SCRN1: variants seen among roughly 807,000 people sequenced by gnomAD.
SCRN1 encodes secernin 1.
A neutral mutation model predicts 43.3 loss-of-function variants in SCRN1; 19 were observed. The observed-to-expected ratio is 0.44, with a 90% confidence interval of 0.31 to 0.64. The LOEUF is 0.64. SCRN1 is among the 30% of genes least tolerant of loss of function. The probability of loss-of-function intolerance (pLI) is 0.09; values close to 1 mark genes in which losing one functional copy is unlikely to be tolerated. For missense variants in SCRN1, 447 were observed against 524.1 expected (o/e 0.85, Z 1.44); for synonymous variants, 183 against 188.9 (o/e 0.97, Z 0.26).
At chr7:29,971,417 G>A (rs150123308) in intron 1 of SCRN1, among the ~76,000 whole-genome samples, 5,274 of 152,222 alleles carry the variant, frequency 0.035, 178 homozygotes, top group Non-Finnish European at 0.047. Flanking sequence ...CAGATCACTT[G>A]AGCCTGGAAG....
rs77616538 is a variant in SCRN1 at position 29,966,121 on chromosome 7, C to T, written c.159+2788G>A. Among the ~76,000 whole-genome samples, 8 of 127,094 alleles carry T rather than the reference C, an allele frequency of 6.3e-5. No individual in the cohort carries two copies. The East Asian group carries it at 1.3e-3, about 21-fold the overall frequency. 83.4% of individuals were successfully genotyped at this position (127,094 alleles called of 152,430 possible). A position where few individuals can be genotyped will look rare whatever the true frequency, so the allele number is the denominator to read the frequency against. The stretch of plus-strand genomic sequence containing the variant: ...GAGAGAGAGAGGAACCAGAGACACA[C>T]AGAGAGAGAGAGAGACAGAGAGAGA... On this transcript the variant is annotated intron_variant, in intron 2 of 7. Transcript: ENST00000242059.
chr7:29,961,044 G>A (rs904308270), intron 2 of SCRN1, among the ~76,000 whole-genome samples: 2 of 150,000 alleles, frequency 1.3e-5, no homozygotes, highest in Non-Finnish European at 3.0e-5. Context: ...ACTCTGTGCT[G>A]GAGGATCTTA....
intron 6 of SCRN1, among the ~76,000 whole-genome samples, chr7:29,926,909 C>T (rs766684649): frequency 6.6e-6 from 1 of 151,912 alleles, no homozygotes; most frequent in Non-Finnish European, 1.5e-5. Flanking sequence ...TGAGAGGACT[C>T]TTTTAGCAAT....
intron 1 of SCRN1, among the ~76,000 whole-genome samples, chr7:29,982,682 CAAAAAA>C (rs10538004): frequency 1.5e-5 from 1 of 64,744 alleles, no homozygotes. Flanking sequence ...GACCCTGTCT[CAAAAAA>C]AAAAAAAAAA....
rs1246491331 is a variant in SCRN1 at position 29,923,481 on chromosome 7, G to C, written c.*476C>G. Reference sequence around the variant, plus strand: ...ATGCACTCACGGGAGGCCACGGAGGGTCCCCTTGACAACACACACAAGAGC... The same window carrying C: ...ATGCACTCACGGGAGGCCACGGAGGCTCCCCTTGACAACACACACAAGAGC... On this transcript the variant is annotated 3_prime_UTR_variant, in exon 8 of 8. Coordinates refer to ENST00000242059, the MANE Select transcript of SCRN1 (RefSeq NM_014766.5). 6.4e-6 allele frequency: 1 copy of C among 157,262 alleles called. No individual in the cohort carries two copies. Among genetic ancestry groups the C allele is most frequent in the East Asian group, 1.9e-4 (1 of 5,330 alleles). 9.7% of individuals were successfully genotyped at this position (157,262 alleles called of 1,614,324 possible). A position where few individuals can be genotyped will look rare whatever the true frequency, so the allele number is the denominator to read the frequency against.
chr7:29,942,847 G>C (rs2128090453), intron 4 of SCRN1, among the ~76,000 whole-genome samples: 1 of 152,304 alleles, frequency 6.6e-6, no homozygotes, highest in East Asian at 1.9e-4. Context: ...GGAAGCCACA[G>C]TCTAGATTTC....
intron 1 of SCRN1, among the ~76,000 whole-genome samples, chr7:29,972,399 C>G (rs953103148): frequency 1.3e-5 from 2 of 152,138 alleles, no homozygotes; most frequent in African/African-American, 2.4e-5. Flanking sequence ...TGAGATTTAT[C>G]TATAGAATAT....
intron 2 of SCRN1, among the ~76,000 whole-genome samples, chr7:29,964,022 T>C (rs1318407609): frequency 2.0e-5 from 3 of 152,224 alleles, no homozygotes; most frequent in Non-Finnish European, 4.4e-5. Context: ...ACTTGAAGGA[T>C]ATGCATGAAA....
chr7:29,958,120 T>C (rs1004481112), intron 2 of SCRN1, among the ~76,000 whole-genome samples: 2 of 152,198 alleles, frequency 1.3e-5, no homozygotes, highest in African/African-American at 4.8e-5. Flanking sequence ...GCCAGATCCC[T>C]TCACAGGCCC....
chr7:29,961,145 T>C (rs1050115115), intron 2 of SCRN1, among the ~76,000 whole-genome samples: 1 of 139,480 alleles, frequency 7.2e-6, no homozygotes, highest in Non-Finnish European at 1.5e-5. Context: ...CATGGGACAA[T>C]AGTGGAGGGA....
intron 6 of SCRN1, among the ~76,000 whole-genome samples, chr7:29,933,362 T>G (rs1787223493): frequency 6.6e-6 from 1 of 152,210 alleles, no homozygotes; most frequent in Non-Finnish European, 1.5e-5. Context: ...AATGTGGAGT[T>G]GGGAAGAGAG....
intron 1 of SCRN1, among the ~76,000 whole-genome samples, chr7:29,986,868 G>A (rs1222642660): frequency 6.6e-6 from 1 of 151,872 alleles, no homozygotes; most frequent in Non-Finnish European, 1.5e-5. Context: ...GGGACTACAG[G>A]CGCGTGCCAC....
Position 29,940,739 on chromosome 7 carries a change from G to C in SCRN1, c.682C>G (p.Pro228Ala). Reference sequence around the variant, plus strand: ...CCGCAGTCTAGATGATCCTCAACTGGAGAAAAGACTTCGGAAAAATTGAAC... The same window carrying C: ...CCGCAGTCTAGATGATCCTCAACTGCAGAAAAGACTTCGGAAAAATTGAAC... ...GEFNFSEVFSPVEDHLDCGAG... is the reference protein window; with the variant it reads ...GEFNFSEVFSAVEDHLDCGAG... Residue 228 changes from proline to alanine, a missense_variant, in exon 5 of 8, where the codon CCA becomes GCA. Pro to Ala is a conservative substitution (Grantham distance 27, BLOSUM62 -1). Transcript: ENST00000242059. The C allele has an allele frequency of 4.4e-6, 7 of 1,607,992 alleles. No individual in the cohort carries two copies. Among genetic ancestry groups the C allele is most frequent in the Non-Finnish European group, 5.9e-6 (7 of 1,178,424 alleles).
At chr7:29,956,637 C>T (rs1321476838) in intron 2 of SCRN1, among the ~76,000 whole-genome samples, 2 of 152,222 alleles carry the variant, frequency 1.3e-5, no homozygotes, top group Non-Finnish European at 1.5e-5. Context: ...CACACACTCA[C>T]TGGTCAGGTG....
In SCRN1 at chr7:29,934,809, G is replaced by A. The variant is rs535283191; in HGVS notation, c.905+1747C>T. ...TTGAGGCTCACAGATAAAGGCTGAC[G>A]GGTGCCACGGGAGGGTGGTGGGCTT... On this transcript the variant is annotated intron_variant, in intron 6 of 7. Coordinates refer to ENST00000242059, the MANE Select transcript of SCRN1 (RefSeq NM_014766.5). 3.5e-4 allele frequency among the ~76,000 whole-genome samples: 54 copies of A among 152,356 alleles called. No individual in the cohort carries two copies. The South Asian group carries it at 8.1e-3, about 23-fold the overall frequency.
intron 5 of SCRN1, among the ~76,000 whole-genome samples, chr7:29,937,000 C>G (rs1386725444): frequency 6.6e-6 from 1 of 152,106 alleles, no homozygotes; most frequent in African/African-American, 2.4e-5. Context: ...GAGCTGAGAT[C>G]GCGTCACTGC....
chr7:29,949,331 AAG>A (rs1787840325), intron 3 of SCRN1, among the ~76,000 whole-genome samples: 1 of 150,970 alleles, frequency 6.6e-6, no homozygotes, highest in Non-Finnish European at 1.5e-5. Flanking sequence ...GAAAAAAAAA[AAG>A]GGCACCCTAA....
intron 1 of SCRN1, among the ~76,000 whole-genome samples, chr7:29,977,791 A>C (rs1363172909): frequency 6.6e-6 from 1 of 152,254 alleles, no homozygotes; most frequent in Non-Finnish European, 1.5e-5. Flanking sequence ...TTTATAAAAA[A>C]GGGATAATGA....
At chr7:29,941,730 C>A (rs1162304737) in intron 4 of SCRN1, among the ~76,000 whole-genome samples, 1 of 152,242 alleles carries the variant, frequency 6.6e-6, no homozygotes, top group Admixed American at 6.5e-5. Flanking sequence ...AACTCTCCTA[C>A]CAGCTGGCTG....
Sources: gnomAD v4.1 joint callset for allele counts (sites outside exome capture counted in the v4.1 genomes callset) on GRCh38, gnomAD v4.1.1 for gene constraint, MANE v1.5 for transcripts, NCBI Gene and HGNC (gene_info 2026-07-23, HGNC 2026-07-21) for gene names.